The following CDC42BPG variants were observed in gnomAD, a reference collection of about 807,000 sequenced individuals.
CDC42BPG encodes the protein CDC42 binding protein kinase gamma.
CDC42BPG carries 157 observed loss-of-function variants against 192.2 expected under a neutral mutation model. The observed-to-expected ratio is 0.82, with a 90% confidence interval of 0.72 to 0.93. The LOEUF is 0.93. Among genes scored for constraint, CDC42BPG ranks in the 40% least tolerant of loss-of-function variants. The pLI, the probability that CDC42BPG is intolerant of heterozygous loss-of-function variation, is 0.00. For synonymous variants in CDC42BPG, 981 were observed against 918.5 expected (o/e 1.07, Z -1.23); for missense variants, 1,992 against 2,122.1 (o/e 0.94, Z 1.20).
chr11:64,830,266 G>A lies in CDC42BPG; in HGVS notation c.3305-10C>T, dbSNP rs1312065193. Reference sequence around the variant, plus strand: ...GCAAGTCGATCCTGGTCTGGTAGAGGGAGGCAGAGGGTCAGAGGTCAGCAG... The same window carrying A: ...GCAAGTCGATCCTGGTCTGGTAGAGAGAGGCAGAGGGTCAGAGGTCAGCAG... On this transcript the variant is annotated splice_polypyrimidine_tract_variant and intron_variant, in intron 28 of 36. Coordinates refer to ENST00000342711, the MANE Select transcript of CDC42BPG (RefSeq NM_017525.3). The A allele has an allele frequency of 2.5e-6, 4 of 1,599,622 alleles. No individual in the cohort carries two copies. The highest frequency in any genetic ancestry group is 1.1e-5 in the South Asian group (1 of 88,810).
chr11:64,829,409 C>A, intron 30 of CDC42BPG, 62 bp downstream of exon 30: 1 of 1,568,016 alleles, frequency 6.4e-7, no homozygotes, highest in Non-Finnish European at 8.6e-7. Flanking sequence ...GAGGCGGGAC[C>A]CTGTCTTCAC....
intron 7 of CDC42BPG, 52 bp downstream of exon 7, chr11:64,838,979 CAG>C: frequency 6.2e-7 from 1 of 1,611,818 alleles, no homozygotes. Context: ...TCCAACCACA[CAG>C]ACTCAGGGGT....
At chr11:64,842,986 C>A (rs1943346983) in intron 1 of CDC42BPG, among the ~76,000 whole-genome samples, 1 of 152,132 alleles carries the variant, frequency 6.6e-6, no homozygotes, top group African/African-American at 2.4e-5. Context: ...GTCTCTTTCC[C>A]AGGTCTGTGT....
intron 28 of CDC42BPG, 25 bp from the exon 29 acceptor site, chr11:64,830,281 G>A (rs1358508146): frequency 2.5e-6 from 4 of 1,575,390 alleles, no homozygotes; most frequent in Non-Finnish European, 3.5e-6. Context: ...CAGAGGGTCA[G>A]AGGTCAGCAG....
At position 64,833,671 on chromosome 11, in the gene CDC42BPG, C is replaced by T. The variant is rs201552625; in HGVS notation, c.2566-12G>A. ...CTGGGGAACACAGCCTGCAGGAGGGCGGGGGAGCAGGTGAGACGGGCAAGG... is the reference window on the plus strand; with the variant it reads ...CTGGGGAACACAGCCTGCAGGAGGGTGGGGGAGCAGGTGAGACGGGCAAGG... On this transcript the variant is annotated splice_polypyrimidine_tract_variant and intron_variant, in intron 22 of 36. Coordinates refer to ENST00000342711, the MANE Select transcript of CDC42BPG (RefSeq NM_017525.3). The T allele has an allele frequency of 1.1e-4, 171 of 1,612,276 alleles. 1 individual carries two copies. In the South Asian group the frequency reaches 1.4e-3, roughly 14 times the overall value.
chr11:64,832,559 C>T, intron 26 of CDC42BPG, 45 bp downstream of exon 26: 1 of 1,613,958 alleles, frequency 6.2e-7, no homozygotes. Context: ...CTGACTGCCC[C>T]CCTTACCACT....
intron 36 of CDC42BPG, among the ~76,000 whole-genome samples, chr11:64,826,241 C>T (rs1257279280): frequency 1.3e-5 from 2 of 152,158 alleles, no homozygotes; most frequent in Non-Finnish European, 2.9e-5. Flanking sequence ...CCCAGAGCCA[C>T]ACAGCTGGAA....
Position 64,823,212 on chromosome 11 carries a change from G to T in CDC42BPG, c.*1261C>A, listed in dbSNP as rs376725092. 6.6e-6 allele frequency among the ~76,000 whole-genome samples: 1 copy of T among 150,962 alleles called. No individual in the cohort carries two copies. Among genetic ancestry groups the T allele is most frequent in the African/African-American group, 2.4e-5 (1 of 41,010 alleles). On this transcript the variant is annotated 3_prime_UTR_variant, in exon 37 of 37. Transcript: ENST00000342711. ...CGCCATTCTCCTGCCTCAGCCTCCC[G>T]AGTAGCAGGGACTACAGGCACCCGT...
chr11:64,838,689 T>C lies in CDC42BPG; in HGVS notation c.1090A>G (p.Asn364Asp), dbSNP rs775304622. The C allele has an allele frequency of 3.7e-6, 6 of 1,613,088 alleles. No individual in the cohort carries two copies. In the East Asian group the frequency reaches 6.7e-5, roughly 18 times the overall value. ...PELRGPMDTS[N>D]FDVDDDTLNH... ...AGGGTGTCGTCATCCACATCAAAGT[T>C]GGAGGTGTCCATGGGCCCCCGCAGC... The change falls in exon 8 of 37, where the codon AAC (asparagine) becomes GAC (aspartate). Residue 364 changes from asparagine (N) to aspartate (D), a missense_variant. Coordinates refer to ENST00000342711, the MANE Select transcript of CDC42BPG (RefSeq NM_017525.3).
chr11:64,834,608 C>G (rs777067202), intron 18 of CDC42BPG, 31 bp from the exon 19 acceptor site: 2 of 1,512,730 alleles, frequency 1.3e-6, no homozygotes, highest in Non-Finnish European at 8.9e-7. Context: ...GTATAAGATG[C>G]TTTCTAGGCC....
intron 1 of CDC42BPG, among the ~76,000 whole-genome samples, chr11:64,843,080 G>A (rs1015027592): frequency 7.2e-5 from 11 of 152,110 alleles, no homozygotes; most frequent in Admixed American, 6.5e-4. Flanking sequence ...GAAGAGGGCC[G>A]AAGCCCAGGC....
chr11:64,844,512 G>GGCAGCCGCCGGCCTCGCCCCGC lies in CDC42BPG; in HGVS notation c.36_57dup (p.Pro20AlafsTer58), dbSNP rs1267612307. ...AGATCTAGGAGGCCGTCGAGCCCCGGGCAGCCGCCGGCCTCGCCCCGCGCC... is the reference window on the plus strand; with the variant it reads ...AGATCTAGGAGGCCGTCGAGCCCCGGGCAGCCGCCGGCCTCGCCCCGCGCAGCCGCCGGCCTCGCCCCGCGCC... On this transcript the variant is annotated frameshift_variant, in exon 1 of 37. Transcript: ENST00000342711. LOFTEE classifies it high-confidence loss of function. 3 of 1,336,038 alleles carry GGCAGCCGCCGGCCTCGCCCCGC rather than the reference G, an allele frequency of 2.2e-6. No homozygotes were observed. Among genetic ancestry groups the GGCAGCCGCCGGCCTCGCCCCGC allele is most frequent in the Non-Finnish European group, 2.9e-6 (3 of 1,043,592 alleles). 82.8% of individuals were successfully genotyped at this position (1,336,038 alleles called of 1,614,324 possible).
At chr11:64,833,889 A>G (rs1464268287) in intron 21 of CDC42BPG, 36 bp downstream of exon 21, 1 of 1,614,060 alleles carries the variant, frequency 6.2e-7, no homozygotes, top group East Asian at 2.2e-5. Flanking sequence ...CTCTCCCAGA[A>G]CTTCTCCCCA....
intron 3 of CDC42BPG, among the ~76,000 whole-genome samples, chr11:64,840,912 G>A (rs1458463608): frequency 6.6e-6 from 1 of 152,222 alleles, no homozygotes; most frequent in Non-Finnish European, 1.5e-5. Flanking sequence ...ACTTTGGGAG[G>A]CCAAGGCAGG....
In CDC42BPG at chr11:64,827,280, G is replaced by A; in HGVS notation, c.4269C>T (p.Arg1423=). Residue 1423 remains arginine, a splice_region_variant and synonymous_variant, in exon 33 of 37, where the codon CGC becomes CGT. Coordinates refer to ENST00000342711, the MANE Select transcript of CDC42BPG (RefSeq NM_017525.3). ...GCCCCCGCGTCGTGCACGCGCACCT[G>A]CGCTGCTGCTTCTGCTGCTCCTCCG... ...RVSEEQQKQQ[R]REMLKDPFVR... 6.2e-7 allele frequency: 1 copy of A among 1,613,610 alleles called. No individual in the cohort carries two copies. Among genetic ancestry groups the A allele is most frequent in the Middle Eastern group, 1.7e-4 (1 of 6,060 alleles).
At position 64,827,319 on chromosome 11, in the gene CDC42BPG, G is replaced by T; in HGVS notation, c.4230C>A (p.Phe1410Leu). 1.2e-6 allele frequency: 2 copies of T among 1,614,016 alleles called. No individual in the cohort carries two copies. The highest frequency in any genetic ancestry group is 1.7e-6 in the Non-Finnish European group (2 of 1,179,948). ...GCTGCTCCTCCGACACGCGGAAAAA[G>T]AAGCGGCGCTTGCTCTTGGTGCGGA... ...QLFRTKSKRR[F>L]FFRVSEEQQK... The change falls in exon 33 of 37, where the codon TTC (phenylalanine) becomes TTA (leucine). Residue 1410 changes from phenylalanine (F) to leucine (L), a missense_variant. Phe to Leu is a conservative substitution (Grantham distance 22). This residue lies in a region of CDC42BPG where 336 missense variants were observed against 277.9 expected (regional missense o/e 1.21). Transcript: ENST00000342711.
intron 14 of CDC42BPG, 47 bp downstream of exon 14, chr11:64,835,715 C>A (rs367610266): frequency 1.6e-5 from 26 of 1,610,028 alleles, no homozygotes; most frequent in Non-Finnish European, 2.1e-5. Flanking sequence ...TGAGTGGGGT[C>A]AGGCTGGTGG....
chr11:64,826,457 C>T lies in CDC42BPG; in HGVS notation c.4599+13G>A, dbSNP rs71526500. 23,486 of 1,577,118 alleles carry T rather than the reference C, an allele frequency of 0.015. 204 individuals are homozygous for T. Among genetic ancestry groups the T allele is most frequent in the Middle Eastern group, 0.018 (111 of 6,018 alleles). On this transcript the variant is annotated intron_variant, in intron 36 of 36. Transcript: ENST00000342711. ...TTGAATAGGGGACGGACAAGCCTCC[C>T]GGACCCGCTCACCTGCATTAGGGAG...
rs551306231 is a variant in CDC42BPG, at chr11:64,835,916, C to T, written c.1669-65G>A. The T allele has an allele frequency of 1.8e-5, 27 of 1,460,900 alleles. No individual in the cohort carries two copies. The East Asian group carries it at 5.4e-4, about 29-fold the overall frequency. The allele number at this position is 1,460,900 out of a possible 1,614,324, so 90.5% of individuals were successfully genotyped here. The stretch of plus-strand genomic sequence containing the variant: ...CTCGGCAGCCCCTCTGCCCACCTTA[C>T]CATGGACTCCAGACCTGCCAGCCAC... On this transcript the variant is annotated intron_variant, in intron 13 of 36. Transcript: ENST00000342711.
Sources: allele counts gnomAD v4.1 joint callset (sites outside exome capture counted in the v4.1 genomes callset), GRCh38; gene constraint gnomAD v4.1.1; regional missense constraint gnomAD v4.1.1; transcripts MANE v1.5; gene names NCBI Gene and HGNC (gene_info 2026-07-23, HGNC 2026-07-21).